ZDHHC7: variants seen among roughly 807,000 people sequenced by gnomAD.
ZDHHC7 encodes palmitoyltransferase ZDHHC7.
A neutral mutation model predicts 34.1 loss-of-function variants in ZDHHC7; 12 were observed. The ratio of observed to expected loss-of-function variants is 0.35; its 90% CI spans 0.23 to 0.57. ZDHHC7 has a LOEUF of 0.57. Ranked by LOEUF, ZDHHC7 falls within the 20% of genes least tolerant of loss-of-function variation. The pLI is 0.84. For synonymous variants in ZDHHC7, 185 were observed against 155.4 expected (o/e 1.19, Z -1.42); for missense variants, 388 against 402.7 (o/e 0.96, Z 0.31).
intron 1 of ZDHHC7, among the ~76,000 whole-genome samples, chr16:84,997,889 TCC>T (rs1341338050): frequency 7.7e-5 from 7 of 91,304 alleles, no homozygotes; most frequent in African/African-American, 2.4e-4. Flanking sequence ...AGAGCGAGAC[TCC>T]GTCTAAAAAA....
chr16:84,976,451 G>A lies in ZDHHC7; in HGVS notation c.819C>T (p.Ser273=), dbSNP rs756271611. The A allele has an allele frequency of 3.7e-6, 6 of 1,613,936 alleles. No homozygotes were observed. Among genetic ancestry groups the A allele is most frequent in the African/African-American group, 1.3e-5 (1 of 74,896 alleles). The change falls in exon 8 of 8, where the codon TCC becomes TCT. Residue 273 remains serine, a synonymous_variant. Coordinates refer to ENST00000313732, the MANE Select transcript of ZDHHC7 (RefSeq NM_017740.3). ...ERRLRWEGMK[S]VFGGPPSLLW... ...GGAGTGAGGGGGGCCCCCCAAAGAC[G>A]GACTTCATCCCTTCCCATCGCAGCC...
At chr16:85,004,289 C>T (rs1427648051) in intron 1 of ZDHHC7, among the ~76,000 whole-genome samples, 2 of 152,130 alleles carry the variant, frequency 1.3e-5, no homozygotes, top group South Asian at 2.1e-4. Context: ...AAACCTACCC[C>T]AAATCCGACC....
At chr16:84,995,380 C>G (rs1219239321) in intron 2 of ZDHHC7, among the ~76,000 whole-genome samples, 1 of 152,238 alleles carries the variant, frequency 6.6e-6, no homozygotes, top group East Asian at 1.9e-4. Flanking sequence ...AATCCCAGCA[C>G]TTTGGGAGGC....
At chr16:85,003,065 A>T (rs2072673227) in intron 1 of ZDHHC7, among the ~76,000 whole-genome samples, 1 of 152,184 alleles carries the variant, frequency 6.6e-6, no homozygotes, top group Non-Finnish European at 1.5e-5. Flanking sequence ...GAGATTAGCC[A>T]GGATGATGGG....
chr16:85,012,658 C>G (rs955323552), upstream of ZDHHC7, among the ~76,000 whole-genome samples: 1 of 151,908 alleles, frequency 6.6e-6, no homozygotes, highest in African/African-American at 2.4e-5. Context: ...AATCCCAGCA[C>G]TTGTAGGAGG....
chr16:85,027,485 A>G, the ZDHHC7 span, among the ~76,000 whole-genome samples: 5 of 152,126 alleles, frequency 3.3e-5, no homozygotes, highest in African/African-American at 1.2e-4. Context: ...AAATCATGAA[A>G]TAACCCACTC....
At chr16:85,016,930 G>C in the ZDHHC7 span, among the ~76,000 whole-genome samples, 1 of 144,182 alleles carries the variant, frequency 6.9e-6, no homozygotes, top group Non-Finnish European at 1.5e-5. Context: ...GATTAGACTT[G>C]ATTTCTTTTT....
chr16:84,987,182 C>T lies in ZDHHC7; in HGVS notation c.315+3122G>A, dbSNP rs755881440. Among the ~76,000 whole-genome samples, 6 of 152,362 alleles carry T rather than the reference C, an allele frequency of 3.9e-5. No individual in the cohort carries two copies. The South Asian group carries it at 6.2e-4, about 16-fold the overall frequency. On this transcript the variant is annotated intron_variant, in intron 3 of 7. Transcript: ENST00000313732. Reference sequence around the variant, plus strand: ...CCTTGCCCTGGGGCTCTGCGTACTCCCCCTTCCTCAGTTTCATTTACAGTG... The same window carrying T: ...CCTTGCCCTGGGGCTCTGCGTACTCTCCCTTCCTCAGTTTCATTTACAGTG...
chr16:85,017,115 A>AT, the ZDHHC7 span, among the ~76,000 whole-genome samples: 2 of 152,120 alleles, frequency 1.3e-5, no homozygotes, highest in Non-Finnish European at 2.9e-5. Context: ...AACTTGTTCA[A>AT]TTTTTTAATC....
chr16:85,010,471 TAGTAAC>T (rs1348673141), intron 1 of ZDHHC7, among the ~76,000 whole-genome samples: 1 of 152,164 alleles, frequency 6.6e-6, no homozygotes, highest in Non-Finnish European at 1.5e-5. Context: ...CCCCTTGGGA[TAGTAAC>T]AGTAAAATAG....
chr16:84,974,302 T>C lies in ZDHHC7; in HGVS notation c.*2041A>G, dbSNP rs1238280189. On this transcript the variant is annotated 3_prime_UTR_variant, in exon 8 of 8. Transcript: ENST00000313732. The stretch of plus-strand genomic sequence containing the variant: ...ACTGGGCAACATTTGTGAGTCGCGC[T>C]TGAGTGCCCAGGTCACTTGTCATGG... 2.0e-5 allele frequency: 3 copies of C among 152,336 alleles called. No homozygotes were observed. The East Asian group carries it at 5.8e-4, about 29-fold the overall frequency. The allele number at this position is 152,336 out of a possible 1,614,324, so 9.4% of individuals were successfully genotyped here. A position where few individuals can be genotyped will look rare whatever the true frequency, so the allele number is the denominator to read the frequency against.
chr16:85,011,548 G>A (rs568620781), upstream of ZDHHC7: 2 of 152,394 alleles, frequency 1.3e-5, no homozygotes, highest in Admixed American at 1.3e-4. Context: ...ACCCGACGAG[G>A]TCAGTGACGT....
intron 3 of ZDHHC7, among the ~76,000 whole-genome samples, chr16:84,988,032 TG>T (rs2143622761): frequency 1.3e-5 from 2 of 152,266 alleles, no homozygotes; most frequent in African/African-American, 4.8e-5. Flanking sequence ...TAGCCGGGCA[TG>T]GTGGCAGGCA....
In ZDHHC7 at chr16:84,981,862, G is replaced by T; in HGVS notation, c.440+8C>A. 6.2e-7 allele frequency: 1 copy of T among 1,613,420 alleles called. No homozygotes were observed. The highest frequency in any genetic ancestry group is 1.7e-5 in the Admixed American group (1 of 59,976). On this transcript the variant is annotated splice_region_variant and intron_variant, in intron 4 of 7. Coordinates refer to ENST00000313732, the MANE Select transcript of ZDHHC7 (RefSeq NM_017740.3). ...ATGCGCTCGGGTTTAATACAGCAGC[G>T]CACGTACCTGCAGTGGTGGGCGCGC...
At chr16:84,984,837 T>C (rs1482872879) in intron 3 of ZDHHC7, among the ~76,000 whole-genome samples, 1 of 152,080 alleles carries the variant, frequency 6.6e-6, no homozygotes, top group Non-Finnish European at 1.5e-5. Flanking sequence ...CCTTTCGAGA[T>C]GTGGTTTGGC....
intron 1 of ZDHHC7, among the ~76,000 whole-genome samples, chr16:84,999,261 A>G (rs569112351): frequency 6.6e-6 from 1 of 152,338 alleles, no homozygotes; most frequent in South Asian, 2.1e-4. Flanking sequence ...CAAATCTCCA[A>G]TTAATTTTAT....
At chr16:85,002,332 A>C (rs971980297) in intron 1 of ZDHHC7, among the ~76,000 whole-genome samples, 1 of 152,058 alleles carries the variant, frequency 6.6e-6, no homozygotes, top group Non-Finnish European at 1.5e-5. Flanking sequence ...TACTGAGGAG[A>C]AACTTGGCAA....
chr16:85,027,074 T>C, the ZDHHC7 span, among the ~76,000 whole-genome samples: 1 of 152,244 alleles, frequency 6.6e-6, no homozygotes, highest in Non-Finnish European at 1.5e-5. Context: ...GCCTGAACGT[T>C]GTGTTTACTG....
chr16:84,978,354 T>G (rs955067843), intron 5 of ZDHHC7, among the ~76,000 whole-genome samples: 5 of 152,148 alleles, frequency 3.3e-5, no homozygotes, highest in Middle Eastern at 6.3e-3. Flanking sequence ...CTCCATCTTG[T>G]CAGAGAAAAA....
Sources: gnomAD v4.1 joint callset for allele counts (sites outside exome capture counted in the v4.1 genomes callset) on GRCh38, gnomAD v4.1.1 for gene constraint, MANE v1.5 for transcripts, NCBI Gene and HGNC (gene_info 2026-07-23, HGNC 2026-07-21) for gene names.